MGRN1: variants seen among roughly 807,000 people sequenced by gnomAD.
MGRN1 encodes the protein E3 ubiquitin-protein ligase MGRN1.
A neutral mutation model predicts 69.2 loss-of-function variants in MGRN1; 29 were observed. That is an observed-to-expected ratio of 0.42 (90% CI 0.31 to 0.57). MGRN1 has a LOEUF of 0.57. Among genes scored for constraint, MGRN1 ranks in the 20% least tolerant of loss-of-function variants. MGRN1 has a pLI of 0.15. For missense variants in MGRN1, 998 were observed against 796.2 expected (o/e 1.25, Z -3.05); for synonymous variants, 470 against 344.2 (o/e 1.37, Z -4.04).
chr16:4,649,615 A>G (rs1308406957), intron 1 of MGRN1: 2 of 152,260 alleles, frequency 1.3e-5, no homozygotes, highest in African/African-American at 4.8e-5. Flanking sequence ...GAGCCCCTCA[A>G]TCCAGTATGA....
chr16:4,629,499 G>A (rs1897881314), intron 1 of MGRN1, among the ~76,000 whole-genome samples: 1 of 152,080 alleles, frequency 6.6e-6, no homozygotes, highest in Admixed American at 6.6e-5. Context: ...CCAGCACTTT[G>A]GGAGGCCAAG....
rs553043944 is a variant in MGRN1, at chr16:4,688,403, G to A, written c.1619-393G>A. 12 of 1,021,854 alleles carry A rather than the reference G, an allele frequency of 1.2e-5. No individual in the cohort carries two copies. The South Asian group carries it at 4.9e-4, about 41-fold the overall frequency. The allele number at this position is 1,021,854 out of a possible 1,614,324, so 63.3% of individuals were successfully genotyped here. A position where few individuals can be genotyped will look rare whatever the true frequency, so the allele number is the denominator to read the frequency against. On this transcript the variant is annotated intron_variant, in intron 16 of 16. Transcript: ENST00000262370. ...GCCGCTCCCCACCCCTGCACCCTGG[G>A]TTGACCGAGTTCCACCCTAACCCAG...
intron 2 of MGRN1, 188 bp downstream of exon 2, chr16:4,650,671 C>A: frequency 2.1e-6 from 1 of 467,922 alleles, no homozygotes; most frequent in Non-Finnish European, 3.8e-6. Context: ...CCTGGTGCTG[C>A]CCCCTAGAGG....
At chr16:4,645,928 G>C (rs2078264907) in intron 1 of MGRN1, among the ~76,000 whole-genome samples, 1 of 152,204 alleles carries the variant, frequency 6.6e-6, no homozygotes, top group African/African-American at 2.4e-5. Flanking sequence ...TCTAACCAGT[G>C]CTGTGGTTGT....
At chr16:4,640,339 G>A (rs2078130832) in intron 1 of MGRN1, 2 of 152,318 alleles carry the variant, frequency 1.3e-5, no homozygotes. Flanking sequence ...GTATCCTCCT[G>A]CCTGGAGGCA....
intron 16 of MGRN1, among the ~76,000 whole-genome samples, chr16:4,685,633 G>A (rs571441197): frequency 1.0e-3 from 155 of 152,366 alleles, no homozygotes; most frequent in African/African-American, 3.5e-3. Context: ...GGGCTGTTTG[G>A]CGCCATCTCC....
intron 10 of MGRN1, 53 bp from the exon 11 acceptor site, chr16:4,677,410 C>T: frequency 2.8e-6 from 4 of 1,427,974 alleles, no homozygotes; most frequent in South Asian, 1.4e-5. Flanking sequence ...GGAGGGTCCC[C>T]TCGGGGCTGG....
intron 5 of MGRN1, among the ~76,000 whole-genome samples, chr16:4,661,710 G>A (rs1405435426): frequency 2.0e-5 from 3 of 152,228 alleles, no homozygotes; most frequent in Non-Finnish European, 4.4e-5. Flanking sequence ...CAGTGTCTCT[G>A]TCCACCTCTG....
intron 16 of MGRN1, chr16:4,686,434 C>A: frequency 7.0e-7 from 1 of 1,427,800 alleles, no homozygotes; most frequent in Admixed American, 2.8e-5. Flanking sequence ...TTCCCAGGGG[C>A]CCTGGATTCC....
At chr16:4,668,215 C>T (rs775707644) in intron 7 of MGRN1, 50 bp from the exon 8 acceptor site, 2 of 1,591,976 alleles carry the variant, frequency 1.3e-6, no homozygotes, top group Non-Finnish European at 8.6e-7. Flanking sequence ...CAGGGGTGCT[C>T]AGAGGCGCCA....
intron 1 of MGRN1, among the ~76,000 whole-genome samples, chr16:4,627,723 G>C (rs1897755926): frequency 6.6e-6 from 1 of 151,530 alleles, no homozygotes; most frequent in African/African-American, 2.4e-5. Context: ...CTGAGAGGTG[G>C]AGGCTGCAGT....
At chr16:4,640,719 G>C (rs1193449823) in intron 1 of MGRN1, 1 of 151,852 alleles carries the variant, frequency 6.6e-6, no homozygotes, top group Non-Finnish European at 1.5e-5. Context: ...TGCTGGGGAA[G>C]CCCCTTGGGT....
chr16:4,661,119 T>TTCATTTGCGCTTTATCCTTGAA, intron 5 of MGRN1, among the ~76,000 whole-genome samples: 1 of 150,778 alleles, frequency 6.6e-6, no homozygotes, highest in South Asian at 2.1e-4. Flanking sequence ...TAGCTGGGAC[T>TTCATTTGCGCTTTATCCTTGAA]ACAGGTGCCA....
At chr16:4,686,520 C>T in intron 16 of MGRN1, 25 of 1,374,694 alleles carry the variant, frequency 1.8e-5, no homozygotes, top group Non-Finnish European at 2.3e-5. Flanking sequence ...CTTTCGGGGC[C>T]AGAGGTCTCT....
chr16:4,653,735 A>G (rs1596283880), intron 4 of MGRN1, among the ~76,000 whole-genome samples: 1 of 150,806 alleles, frequency 6.6e-6, no homozygotes, highest in Admixed American at 6.6e-5. Context: ...TGATCTGTCC[A>G]TCTCAGCCTC....
chr16:4,683,190 T>C, intron 14 of MGRN1, 34 bp from the exon 15 acceptor site: 3 of 1,612,158 alleles, frequency 1.9e-6, no homozygotes, highest in Non-Finnish European at 2.5e-6. Flanking sequence ...CGCGGCTCTC[T>C]GAGCTCTAGG....
chr16:4,625,150 C>T (rs912108556), intron 1 of MGRN1, 102 bp downstream of exon 1: 54 of 1,112,124 alleles, frequency 4.9e-5, no homozygotes, highest in Non-Finnish European at 5.9e-5. Flanking sequence ...TGCTCGGCCC[C>T]CTCCGGGCCT....
intron 1 of MGRN1, among the ~76,000 whole-genome samples, chr16:4,644,413 C>G (rs559010598): frequency 7.7e-4 from 116 of 150,876 alleles, no homozygotes; most frequent in African/African-American, 2.7e-3. Context: ...CAGGTTCAAG[C>G]GATTTTCCTG....
At chr16:4,671,333 G>A (rs1396459310) in intron 8 of MGRN1, 58 bp from the exon 9 acceptor site, 1 of 1,558,288 alleles carries the variant, frequency 6.4e-7, no homozygotes, top group Admixed American at 1.7e-5. Context: ...AGGTGGGTAT[G>A]GAGGAGCCCT....
Sources: allele counts gnomAD v4.1 joint callset (sites outside exome capture counted in the v4.1 genomes callset), GRCh38; gene constraint gnomAD v4.1.1; transcripts MANE v1.5; gene names NCBI Gene and HGNC (gene_info 2026-07-23, HGNC 2026-07-21).